The following LYPD6 variants were observed in gnomAD, a reference collection of about 807,000 sequenced individuals.
The protein encoded by LYPD6 is LY6/PLAUR domain containing 6.
In LYPD6, 15 loss-of-function variants were observed where a neutral mutation model predicts 22.7. The observed-to-expected ratio is 0.66, with a 90% CI of 0.44 to 1.02. The LOEUF is 1.02. Among genes scored for constraint, LYPD6 ranks in the 50% least tolerant of loss-of-function variants. LYPD6 has a pLI of 0.00. For synonymous variants in LYPD6, 72 were observed against 77.5 expected (o/e 0.93, Z 0.37); for missense variants, 189 against 208.4 (o/e 0.91, Z 0.57).
chr2:149,484,932 C>T, the LYPD6 span, among the ~76,000 whole-genome samples: 4 of 152,140 alleles, frequency 2.6e-5, no homozygotes, highest in East Asian at 7.7e-4. Context: ...TGGCAAAACC[C>T]AACAAAAGTT....
Position 149,449,137 on chromosome 2 carries a change from C to A in LYPD6, c.207C>A (p.Tyr69Ter). 1.2e-6 allele frequency: 2 copies of A among 1,611,382 alleles called. No individual in the cohort carries two copies. Among genetic ancestry groups the A allele is most frequent in the Non-Finnish European group, 1.7e-6 (2 of 1,178,330 alleles). Residue 69 changes from tyrosine to a stop codon, truncating the protein, a stop_gained, in exon 3 of 5, where the codon TAC (tyrosine) becomes TAA (stop). Transcript: ENST00000334166. LOFTEE classifies it high-confidence loss of function. Reference protein sequence around the residue: ...YECNRWAPDIYCPRETRYCYT... With the variant: ...YECNRWAPDI The stretch of plus-strand genomic sequence containing the variant: ...GCAACCGATGGGCTCCAGACATCTA[C>A]TGCCCTCGAGGTAAACTCTCAGTAG...
chr2:149,434,986 C>G (rs1683397979), intron 1 of LYPD6, among the ~76,000 whole-genome samples: 1 of 152,192 alleles, frequency 6.6e-6, no homozygotes, highest in Non-Finnish European at 1.5e-5. Flanking sequence ...TATGTTGAAG[C>G]CTAACCCCTG....
intron 2 of LYPD6, chr2:149,440,058 A>T (rs975470886): frequency 6.5e-6 from 1 of 152,832 alleles, no homozygotes; most frequent in African/African-American, 2.4e-5. Flanking sequence ...TACAAAAATA[A>T]TGTCTACCAT....
At chr2:149,480,722 G>A in the LYPD6 span, among the ~76,000 whole-genome samples, 8 of 152,130 alleles carry the variant, frequency 5.3e-5, no homozygotes, top group African/African-American at 1.2e-4. Context: ...TTGTTTCCTC[G>A]TTGTTGGGGG....
At chr2:149,330,372 AC>A (rs1348600874), upstream of LYPD6, 1 of 150,794 alleles carries the variant, frequency 6.6e-6, no homozygotes, top group East Asian at 2.0e-4. Flanking sequence ...GAGTTTGCAG[AC>A]TTGGCGCTCA....
intron 1 of LYPD6, among the ~76,000 whole-genome samples, chr2:149,407,638 AT>A (rs1162590057): frequency 6.6e-6 from 1 of 151,948 alleles, no homozygotes; most frequent in African/African-American, 2.4e-5. Flanking sequence ...ATTCGTCTAA[AT>A]TTTTTTCAAA....
At chr2:149,374,470 A>G (rs1409609044) in intron 1 of LYPD6, among the ~76,000 whole-genome samples, 1 of 152,188 alleles carries the variant, frequency 6.6e-6, no homozygotes, top group East Asian at 1.9e-4. Context: ...GAATGAAGGC[A>G]ACAATTTGAG....
intron 2 of LYPD6, among the ~76,000 whole-genome samples, chr2:149,438,620 T>C (rs1182521350): frequency 1.3e-5 from 2 of 152,240 alleles, no homozygotes; most frequent in African/African-American, 4.8e-5. Context: ...CAAATATAGT[T>C]TGAGTGTCCA....
At chr2:149,395,006 C>T (rs148701691) in intron 1 of LYPD6, among the ~76,000 whole-genome samples, 1 of 152,276 alleles carries the variant, frequency 6.6e-6, no homozygotes, top group East Asian at 1.9e-4. Flanking sequence ...TTACTTTTCT[C>T]ACTCAACAAT....
In LYPD6 at chr2:149,356,489, T is replaced by C. The variant is rs77363533; in HGVS notation, c.-72+25767T>C. Among the ~76,000 whole-genome samples the C allele has an allele frequency of 3.6e-3, 553 of 152,334 alleles. 6 individuals carry two copies. Among genetic ancestry groups the C allele is most frequent in the African/African-American group, 0.013 (534 of 41,590 alleles). On this transcript the variant is annotated intron_variant, in intron 1 of 4. Transcript: ENST00000334166. ...CCCAAGTATGGCTACTGGCCTCTTCTGGATGTCTTCTTTTTCCCCATTACC... is the reference window on the plus strand; with the variant it reads ...CCCAAGTATGGCTACTGGCCTCTTCCGGATGTCTTCTTTTTCCCCATTACC...
chr2:149,356,033 G>T (rs1006091665), intron 1 of LYPD6, among the ~76,000 whole-genome samples: 2 of 151,240 alleles, frequency 1.3e-5, no homozygotes, highest in Non-Finnish European at 2.9e-5. Context: ...TCAAAATGCT[G>T]GAAGAACAGG....
chr2:149,336,290 A>T (rs1273775278), intron 1 of LYPD6, among the ~76,000 whole-genome samples: 1 of 152,234 alleles, frequency 6.6e-6, no homozygotes, highest in Admixed American at 6.5e-5. Context: ...AAGCTGCTAA[A>T]GTTGAACTAT....
intron 3 of LYPD6, among the ~76,000 whole-genome samples, chr2:149,467,061 G>T (rs958755383): frequency 6.6e-6 from 1 of 152,208 alleles, no homozygotes; most frequent in Non-Finnish European, 1.5e-5. Flanking sequence ...TTAAAAAAGA[G>T]GAGAGCTGCT....
chr2:149,425,808 TCTAA>T (rs1683177193), intron 1 of LYPD6, among the ~76,000 whole-genome samples: 2 of 152,232 alleles, frequency 1.3e-5, no homozygotes, highest in South Asian at 2.1e-4. Context: ...CCTTCTTTCC[TCTAA>T]CTAAGTGTGC....
intron 2 of LYPD6, among the ~76,000 whole-genome samples, chr2:149,448,727 T>G (rs1353715607): frequency 2.6e-5 from 4 of 152,260 alleles, no homozygotes; most frequent in Non-Finnish European, 5.9e-5. Flanking sequence ...TATTGCTGAC[T>G]AATGTTCCAT....
chr2:149,448,783 A>G (rs1683743449), intron 2 of LYPD6, among the ~76,000 whole-genome samples: 1 of 152,250 alleles, frequency 6.6e-6, no homozygotes, highest in Admixed American at 6.5e-5. Flanking sequence ...CCACTGAAGG[A>G]CATCGAGGAT....
intron 1 of LYPD6, among the ~76,000 whole-genome samples, chr2:149,407,236 T>C (rs574399442): frequency 2.0e-5 from 3 of 152,314 alleles, no homozygotes; most frequent in Non-Finnish European, 2.9e-5. Context: ...TGGAGGAGTA[T>C]CTTTGTGGCG....
chr2:149,366,875 C>T (rs1681681140), intron 1 of LYPD6, among the ~76,000 whole-genome samples: 1 of 152,042 alleles, frequency 6.6e-6, no homozygotes, highest in African/African-American at 2.4e-5. Flanking sequence ...TGTTTCCATT[C>T]CCCCCCACTT....
intron 1 of LYPD6, among the ~76,000 whole-genome samples, chr2:149,416,315 A>G (rs1682961448): frequency 6.6e-6 from 1 of 152,016 alleles, no homozygotes. Flanking sequence ...TTCCTGGGGG[A>G]ATGAAACCTT....
Sources: gnomAD v4.1 joint callset for allele counts (sites outside exome capture counted in the v4.1 genomes callset) on GRCh38, gnomAD v4.1.1 for gene constraint, MANE v1.5 for transcripts, NCBI Gene and HGNC (gene_info 2026-07-23, HGNC 2026-07-21) for gene names.